The following NUP214 variants were observed in gnomAD, a reference collection of about 807,000 sequenced individuals.
NUP214 encodes nucleoporin 214.
A neutral mutation model predicts 196.2 loss-of-function variants in NUP214; 79 were observed. The ratio of observed to expected loss-of-function variants is 0.40; its 90% CI spans 0.34 to 0.49. NUP214 has a LOEUF of 0.49. Among genes scored for constraint, NUP214 ranks in the 20% least tolerant of loss-of-function variants. NUP214 has a pLI of 0.58. For missense variants in NUP214, 2,468 were observed against 2,539.0 expected, an observed-to-expected ratio of 0.97 and a Z score of 0.60; for synonymous variants, 1,020 against 990.5, an observed-to-expected ratio of 1.03 and a Z score of -0.56.
intron 21 of NUP214, among the ~76,000 whole-genome samples, chr9:131,166,561 T>C (rs1026544897): frequency 6.6e-6 from 1 of 152,304 alleles, no homozygotes; most frequent in South Asian, 2.1e-4. Flanking sequence ...TAACTCAGCA[T>C]GTAAACACTT....
At chr9:131,139,920 A>G (rs1358793129) in intron 10 of NUP214, among the ~76,000 whole-genome samples, 1 of 152,158 alleles carries the variant, frequency 6.6e-6, no homozygotes, top group African/African-American at 2.4e-5. Context: ...TGAAATGTAA[A>G]AGTGCCACAA....
Position 131,232,314 on chromosome 9 carries a change from T to A in NUP214, c.6239+6T>A. 1.2e-6 allele frequency: 2 copies of A among 1,613,762 alleles called. No homozygotes were observed. The highest frequency in any genetic ancestry group is 1.7e-6 in the Non-Finnish European group (2 of 1,179,588). On this transcript the variant is annotated splice_donor_region_variant and intron_variant, in intron 35 of 35. Coordinates refer to ENST00000359428, the MANE Select transcript of NUP214 (RefSeq NM_005085.4). This position sits in a 1 kb window ranked among gnomAD's most constrained non-coding sequence, Gnocchi z 5.1. ...AGCTTTGGGTCAAATAACTCGTAAG[T>A]ATCCCCCTTTTTGAGTCTCACCTTA...
chr9:131,175,870 G>GT (rs565219993), intron 23 of NUP214: 15,568 of 362,844 alleles, frequency 0.043, no homozygotes, highest in Middle Eastern at 0.063. Context: ...AGTGGGGTTT[G>GT]TTTTTTTTTT....
Position 131,212,160 on chromosome 9 carries a change from C to G in NUP214, c.5593-3052C>G, listed in dbSNP as rs182684481. Among the ~76,000 whole-genome samples, 20 of 152,258 alleles carry G rather than the reference C, an allele frequency of 1.3e-4. 1 individual carries two copies. In the East Asian group the frequency reaches 3.9e-3, roughly 29 times the overall value. Reference sequence around the variant, plus strand: ...CCCAGTCTCCTGTGGCACCCCAGGCCTCTTAGGATTGGGAAATTCCTGCCT... The same window carrying G: ...CCCAGTCTCCTGTGGCACCCCAGGCGTCTTAGGATTGGGAAATTCCTGCCT... On this transcript the variant is annotated intron_variant, in intron 30 of 35. Coordinates refer to ENST00000359428, the MANE Select transcript of NUP214 (RefSeq NM_005085.4).
intron 30 of NUP214, among the ~76,000 whole-genome samples, chr9:131,202,036 T>C (rs1833954323): frequency 6.6e-6 from 1 of 152,204 alleles, no homozygotes; most frequent in South Asian, 2.1e-4. Context: ...CAATCACAGC[T>C]GACTCTAGCC....
At chr9:131,194,906 A>G (rs1451151479) in intron 27 of NUP214, among the ~76,000 whole-genome samples, 1 of 152,100 alleles carries the variant, frequency 6.6e-6, no homozygotes, top group Non-Finnish European at 1.5e-5. Flanking sequence ...CCACATGCAC[A>G]TTTGTCATGT....
chr9:131,147,422 G>T, intron 13 of NUP214, 68 bp from the exon 14 acceptor site: 2 of 1,155,386 alleles, frequency 1.7e-6, no homozygotes, highest in South Asian at 2.7e-5. Context: ...TTGGAGAAAG[G>T]ACATTTGTGA....
At chr9:131,218,779 T>A (rs1834476159) in intron 31 of NUP214, among the ~76,000 whole-genome samples, 1 of 152,060 alleles carries the variant, frequency 6.6e-6, no homozygotes, top group Non-Finnish European at 1.5e-5. Flanking sequence ...AAAGATGAAA[T>A]AAACTTGAAA....
chr9:131,139,283 TA>T lies in NUP214; in HGVS notation c.1010del (p.Asn337IlefsTer17). The T allele has an allele frequency of 2.1e-6, 3 of 1,422,272 alleles. No homozygotes were observed. The South Asian group carries it at 4.6e-5, about 22-fold the overall frequency. The allele number at this position is 1,422,272 out of a possible 1,614,324, so 88.1% of individuals were successfully genotyped here. A position where few individuals can be genotyped will look rare whatever the true frequency, so the allele number is the denominator to read the frequency against. ...TTTTTTTTTTTTTTTTTTTTTAGAT[TA>T]ATTGGGAATCTTGGCTACTGGAGGA... ...SILARQSDQI[N>X]WESWLLEDSS... On this transcript the variant is annotated frameshift_variant, in exon 10 of 36. Transcript: ENST00000359428. LOFTEE classifies it high-confidence loss of function.
At chr9:131,204,565 A>T (rs2131059674) in intron 30 of NUP214, among the ~76,000 whole-genome samples, 1 of 152,354 alleles carries the variant, frequency 6.6e-6, no homozygotes, top group East Asian at 1.9e-4. Context: ...AAAAACAGGC[A>T]GTGAGCTGGA....
rs764344641 is a variant in NUP214 at position 131,197,250 on chromosome 9, G to A, written c.3756G>A (p.Pro1252=). The A allele has an allele frequency of 9.9e-6, 16 of 1,613,944 alleles. No homozygotes were observed. The highest frequency in any genetic ancestry group is 5.3e-5 in the African/African-American group (4 of 74,882). ...CCTCCACTAAAGAGTCAAGCCAGCC[G>A]GACGCATTCTCATCTGGTGGGGGAA... is the stretch of plus-strand genomic sequence containing the variant. ...ATPSTKESSQ[P]DAFSSGGGSK... is the part of the protein sequence containing the mutation. The change falls in exon 29 of 36, where the codon CCG becomes CCA. Residue 1252 remains proline (P), a synonymous_variant. Coordinates refer to ENST00000359428, the MANE Select transcript of NUP214 (RefSeq NM_005085.4).
At chr9:131,159,868 A>G (rs925806855) in intron 18 of NUP214, among the ~76,000 whole-genome samples, 2 of 152,070 alleles carry the variant, frequency 1.3e-5, no homozygotes, top group African/African-American at 4.8e-5. Flanking sequence ...CAAAAAAAAA[A>G]AAACAAGAAA....
At chr9:131,223,232 T>C (rs930140021) in intron 32 of NUP214, among the ~76,000 whole-genome samples, 1 of 151,932 alleles carries the variant, frequency 6.6e-6, no homozygotes, top group Non-Finnish European at 1.5e-5. Context: ...AATGGTGCGA[T>C]CTCAGCTCAC....
In NUP214 at chr9:131,198,006, G is replaced by A. The variant is rs750926150; in HGVS notation, c.4512G>A (p.Lys1504=). The A allele has an allele frequency of 6.2e-7, 1 of 1,614,212 alleles. No individual in the cohort carries two copies. The highest frequency in any genetic ancestry group is 1.1e-5 in the South Asian group (1 of 91,088). Reference sequence around the variant, plus strand: ...CCACTTCATCAGCTTTGCCTGAGAAGCCAGGTGACAGTGAGGTCTCAGCAT... The same window carrying A: ...CCACTTCATCAGCTTTGCCTGAGAAACCAGGTGACAGTGAGGTCTCAGCAT... The part of the protein sequence containing the change: ...EEATSSALPE[K]PGDSEVSASA... The change falls in exon 29 of 36, where the codon AAG becomes AAA. Residue 1504 remains lysine (K), a synonymous_variant. Coordinates refer to ENST00000359428, the MANE Select transcript of NUP214 (RefSeq NM_005085.4).
At position 131,146,189 on chromosome 9, in the gene NUP214, G is replaced by A. The variant is rs780312501; in HGVS notation, c.1830G>A (p.Ser610=). Residue 610 remains serine, a synonymous_variant, in exon 13 of 36, where the codon TCG becomes TCA. Transcript: ENST00000359428. The surrounding 1 kb of genome is among the most constrained non-coding windows in gnomAD (Gnocchi z 4.6). ...GCTCCCAGAGCGCACCCCCGATGTC[G>A]CCATTCTCTTCTGCCTCCAAGCCAG... ...VSSSQSAPPM[S]PFSSASKPAA... The A allele has an allele frequency of 2.0e-5, 33 of 1,613,882 alleles. No homozygotes were observed. Among genetic ancestry groups the A allele is most frequent in the Admixed American group, 1.8e-4 (11 of 59,984 alleles).
At position 131,174,129 on chromosome 9, in the gene NUP214, G is replaced by A; in HGVS notation, c.2968G>A (p.Val990Ile). 2 of 1,613,868 alleles carry A rather than the reference G, an allele frequency of 1.2e-6. No homozygotes were observed. ...DLDEVSSTSS[V>I]SQSLESEDAR... is the part of the protein sequence containing the mutation. ...GGATGAAGTCAGCTCAACGTCATCT[G>A]TCTCCCAGTCTCTGGAGAGTGAAGA... Residue 990 changes from valine to isoleucine, a missense_variant, in exon 22 of 36, where the codon GTC (valine) becomes ATC (isoleucine). Around this residue, in one of 5 missense-constraint regions of NUP214, gnomAD observed 1,801 missense variants for 1,779.4 expected, o/e 1.01. Coordinates refer to ENST00000359428, the MANE Select transcript of NUP214 (RefSeq NM_005085.4).
At chr9:131,196,695 C>A (rs1204958492) in intron 28 of NUP214, among the ~76,000 whole-genome samples, 1 of 152,196 alleles carries the variant, frequency 6.6e-6, no homozygotes, top group African/African-American at 2.4e-5. Context: ...CCAGACCGTA[C>A]TGCCTCTGTC....
In NUP214 at chr9:131,192,169, CTTTT is replaced by C. The variant is rs66652901; in HGVS notation, c.3575-16_3575-13del. 628 of 446,868 alleles carry C rather than the reference CTTTT, an allele frequency of 1.4e-3. 2 individuals carry two copies. The African/African-American group carries it at 0.017, about 12-fold the overall frequency. The allele number at this position is 446,868 out of a possible 1,614,324, so 27.7% of individuals were successfully genotyped here. On this transcript the variant is annotated intron_variant, in intron 26 of 35. Transcript: ENST00000359428. ...AGTGTTTCTGTCTTTTTGTAATATT[CTTTT>C]TTTTTTTTTTTTTTTTTTTTTTCCA...
intron 24 of NUP214, among the ~76,000 whole-genome samples, chr9:131,182,375 T>C (rs983112473): frequency 3.3e-5 from 5 of 152,230 alleles, no homozygotes; most frequent in African/African-American, 9.6e-5. Context: ...GAGCTCCACC[T>C]CCTGTCAGAT....
Sources: gnomAD v4.1 joint callset for allele counts (sites outside exome capture counted in the v4.1 genomes callset) on GRCh38, gnomAD v4.1.1 for gene constraint, gnomAD v4.1.1 regional missense constraint, Gnocchi (gnomAD v3.1) non-coding constraint, MANE v1.5 for transcripts, NCBI Gene and HGNC (gene_info 2026-07-23, HGNC 2026-07-21) for gene names.